Variants in KCNAB1 observed in about 807,000 individuals in gnomAD.
KCNAB1 encodes potassium voltage-gated channel subfamily A regulatory beta subunit 1.
KCNAB1 carries 35 observed loss-of-function variants against 64.6 expected under a neutral mutation model. The ratio of observed to expected loss-of-function variants is 0.54; its 90% CI spans 0.41 to 0.72. KCNAB1 has a LOEUF of 0.72. Among genes scored for constraint, KCNAB1 ranks in the 30% least tolerant of loss-of-function variants. KCNAB1 has a pLI of 0.00. For synonymous variants in KCNAB1, 177 were observed against 183.8 expected (o/e 0.96, Z 0.30); for missense variants, 401 against 512.9 (o/e 0.78, Z 2.11).
intron 1 of KCNAB1, among the ~76,000 whole-genome samples, chr3:156,284,818 C>T (rs1273008369): frequency 6.6e-6 from 1 of 152,240 alleles, no homozygotes; most frequent in Non-Finnish European, 1.5e-5. Context: ...CCTCACCCTG[C>T]TTCGGCTCGC....
chr3:156,171,187 GCACACATACACACA>G (rs1711960863), intron 1 of KCNAB1, among the ~76,000 whole-genome samples: 1 of 142,738 alleles, frequency 7.0e-6, no homozygotes, highest in African/African-American at 2.8e-5. Context: ...GAAACTTCAC[GCACACATACACACA>G]CACACACACA....
intron 1 of KCNAB1, among the ~76,000 whole-genome samples, chr3:156,297,916 GA>G (rs941778510): frequency 6.6e-6 from 1 of 151,952 alleles, no homozygotes; most frequent in Non-Finnish European, 1.5e-5. Context: ...TTTTAGTCCA[GA>G]AAAAAAGAGC....
intron 1 of KCNAB1, among the ~76,000 whole-genome samples, chr3:156,166,530 TACAC>T (rs57754528): frequency 5.4e-5 from 8 of 148,806 alleles, no homozygotes; most frequent in African/African-American, 9.9e-5. Flanking sequence ...AATACATATA[TACAC>T]ACACACACAC....
chr3:156,133,853 A>G (rs1375119748), intron 1 of KCNAB1, among the ~76,000 whole-genome samples: 3 of 152,170 alleles, frequency 2.0e-5, no homozygotes, highest in Non-Finnish European at 4.4e-5. Flanking sequence ...CAGGTAAGAA[A>G]TGGCTGAGGG....
chr3:156,498,689 C>A (rs1282811713), intron 8 of KCNAB1, among the ~76,000 whole-genome samples: 1 of 152,186 alleles, frequency 6.6e-6, no homozygotes, highest in African/African-American at 2.4e-5. Flanking sequence ...GAAAGAATAT[C>A]CAACACCGTA....
chr3:156,252,360 G>A (rs1294175429), intron 1 of KCNAB1, among the ~76,000 whole-genome samples: 1 of 152,194 alleles, frequency 6.6e-6, no homozygotes, highest in African/African-American at 2.4e-5. Context: ...GAGGAAAGTA[G>A]AGCAATACTG....
At chr3:156,171,618 A>G (rs79493709) in intron 1 of KCNAB1, among the ~76,000 whole-genome samples, 3,887 of 152,240 alleles carry the variant, frequency 0.026, 180 homozygotes, top group African/African-American at 0.088. Context: ...TTTATATAAC[A>G]TTTTCTGCTT....
At chr3:156,232,736 T>C (rs1460939415) in intron 1 of KCNAB1, among the ~76,000 whole-genome samples, 1 of 152,216 alleles carries the variant, frequency 6.6e-6, no homozygotes, top group Non-Finnish European at 1.5e-5. Context: ...ATTTTTAAAA[T>C]AAAATGTATT....
At chr3:156,251,389 A>C (rs1717820001) in intron 1 of KCNAB1, among the ~76,000 whole-genome samples, 1 of 152,220 alleles carries the variant, frequency 6.6e-6, no homozygotes, top group Non-Finnish European at 1.5e-5. Context: ...GGTAGGGTGA[A>C]AGGATAATGA....
intron 1 of KCNAB1, among the ~76,000 whole-genome samples, chr3:156,214,454 T>C (rs1363552577): frequency 6.6e-6 from 1 of 151,976 alleles, no homozygotes; most frequent in East Asian, 1.9e-4. Flanking sequence ...ACGTTCGGTA[T>C]TAGAATTGTT....
chr3:156,291,906 C>G, intron 1 of KCNAB1: 1 of 1,614,006 alleles, frequency 6.2e-7, no homozygotes, highest in Non-Finnish European at 8.5e-7. Context: ...CCTGGGGAAG[C>G]AATGCAAGTC....
At chr3:156,168,850 A>C (rs1351174532) in intron 1 of KCNAB1, among the ~76,000 whole-genome samples, 1 of 152,222 alleles carries the variant, frequency 6.6e-6, no homozygotes, top group Non-Finnish European at 1.5e-5. Context: ...AAAAGTTCTT[A>C]GATCAGTTTC....
At chr3:156,348,820 A>T (rs1279968254) in intron 1 of KCNAB1, among the ~76,000 whole-genome samples, 1 of 152,196 alleles carries the variant, frequency 6.6e-6, no homozygotes, top group Non-Finnish European at 1.5e-5. Flanking sequence ...TATGGTACTC[A>T]TCTTTGATGG....
At chr3:156,209,862 T>A (rs139227290) in intron 1 of KCNAB1, among the ~76,000 whole-genome samples, 64 of 152,368 alleles carry the variant, frequency 4.2e-4, no homozygotes, top group African/African-American at 1.5e-3. Context: ...GGCAGAAAGA[T>A]AAGGGCTTGG....
chr3:156,406,198 A>C (rs1714234849), intron 1 of KCNAB1, among the ~76,000 whole-genome samples: 1 of 152,248 alleles, frequency 6.6e-6, no homozygotes, highest in Non-Finnish European at 1.5e-5. Context: ...TAGTGAATAC[A>C]AGACTGTAGA....
At chr3:156,431,943 A>G (rs1472942041) in intron 2 of KCNAB1, among the ~76,000 whole-genome samples, 2 of 152,224 alleles carry the variant, frequency 1.3e-5, no homozygotes, top group Non-Finnish European at 2.9e-5. Flanking sequence ...TGAGCCAATC[A>G]TCAAAGACTT....
intron 3 of KCNAB1, chr3:156,457,178 TCCC>T: frequency 3.3e-6 from 4 of 1,227,378 alleles, no homozygotes; most frequent in Non-Finnish European, 4.1e-6. Flanking sequence ...AACCAGCTCT[TCCC>T]AGCCCAGTGA....
chr3:156,230,935 C>T (rs1399030658), intron 1 of KCNAB1, among the ~76,000 whole-genome samples: 1 of 152,202 alleles, frequency 6.6e-6, no homozygotes, highest in Non-Finnish European at 1.5e-5. Context: ...TTGGGAGAAA[C>T]AGCCTTCAGC....
At chr3:156,287,699 C>A (rs1307242677) in intron 1 of KCNAB1, among the ~76,000 whole-genome samples, 1 of 151,850 alleles carries the variant, frequency 6.6e-6, no homozygotes, top group Admixed American at 6.6e-5. Flanking sequence ...CACCTGTAAT[C>A]CCAGCAACTC....
Sources: gnomAD v4.1 joint callset for allele counts (sites outside exome capture counted in the v4.1 genomes callset) on GRCh38, gnomAD v4.1.1 for gene constraint, MANE v1.5 for transcripts, NCBI Gene and HGNC (gene_info 2026-07-23, HGNC 2026-07-21) for gene names.